Variants in SHISA9 observed in about 807,000 individuals in gnomAD.
SHISA9 encodes the protein shisa family member 9, also known as protein shisa-9.
SHISA9 carries 13 observed loss-of-function variants against 38.0 expected under a neutral mutation model. That is an observed-to-expected ratio of 0.34 (90% CI 0.22 to 0.54). The LOEUF (loss-of-function observed/expected upper bound fraction) is 0.54, where lower values mean the gene tolerates loss of function less well. Among genes scored for constraint, SHISA9 ranks in the 20% least tolerant of loss-of-function variants. The probability of loss-of-function intolerance (pLI) is 0.91; values close to 1 mark genes in which losing one functional copy is unlikely to be tolerated. For synonymous variants in SHISA9, 275 were observed against 242.0 expected (o/e 1.14, Z -1.27); for missense variants, 538 against 575.8 (o/e 0.93, Z 0.67).
At chr16:13,231,529 C>A (rs1008802195) in intron 4 of SHISA9, among the ~76,000 whole-genome samples, 12 of 152,198 alleles carry the variant, frequency 7.9e-5, no homozygotes, top group Non-Finnish European at 1.2e-4. Flanking sequence ...TTAGCAGATT[C>A]CAAGATTCCT....
At chr16:12,969,905 T>C (rs1298740889) in intron 2 of SHISA9, among the ~76,000 whole-genome samples, 3 of 152,006 alleles carry the variant, frequency 2.0e-5, no homozygotes, top group African/African-American at 7.2e-5. Context: ...CAAAACAATA[T>C]AGTAAACTGT....
intron 2 of SHISA9, among the ~76,000 whole-genome samples, chr16:13,029,856 A>G (rs2072970159): frequency 6.6e-6 from 1 of 152,216 alleles, no homozygotes; most frequent in South Asian, 2.1e-4. Flanking sequence ...TAGTAGAAAG[A>G]CAAAGGCTGG....
the SHISA9 span, among the ~76,000 whole-genome samples, chr16:13,260,786 C>T: frequency 1.3e-5 from 2 of 152,158 alleles, no homozygotes; most frequent in African/African-American, 2.4e-5. Flanking sequence ...TTCAGCAGCG[C>T]CCCCCTTTAC....
At chr16:13,392,169 G>A in the SHISA9 span, among the ~76,000 whole-genome samples, 38 of 152,122 alleles carry the variant, frequency 2.5e-4, no homozygotes, top group Admixed American at 8.5e-4. Flanking sequence ...TGGATTAGTT[G>A]TGTCTTCCTA....
the SHISA9 span, among the ~76,000 whole-genome samples, chr16:13,379,599 G>A: frequency 6.6e-6 from 1 of 152,192 alleles, no homozygotes; most frequent in Non-Finnish European, 1.5e-5. Flanking sequence ...CACAACCGGG[G>A]TAATGTCTTA....
rs375771859 is a variant in SHISA9, at chr16:13,096,037, G to A, written c.692-107357G>A. 5.3e-5 allele frequency among the ~76,000 whole-genome samples: 8 copies of A among 152,352 alleles called. No individual in the cohort carries two copies. The East Asian group carries it at 7.7e-4, about 15-fold the overall frequency. ...GGTGGTCAAGAGTGAAAGCCCTGGA[G>A]TCAAGAATACTTGAGTTTGAATCCC... On this transcript the variant is annotated intron_variant, in intron 2 of 4. Transcript: ENST00000558583.
At chr16:13,413,494 G>A in the SHISA9 span, among the ~76,000 whole-genome samples, 3 of 152,164 alleles carry the variant, frequency 2.0e-5, no homozygotes, top group African/African-American at 7.2e-5. Flanking sequence ...AGTGGCTCAC[G>A]CCTGCAATCC....
chr16:13,486,991 A>G, the SHISA9 span, among the ~76,000 whole-genome samples: 4 of 152,214 alleles, frequency 2.6e-5, no homozygotes, highest in Admixed American at 2.6e-4. Context: ...AGCGTGAGCC[A>G]CCGCACTCAG....
intron 2 of SHISA9, among the ~76,000 whole-genome samples, chr16:13,157,481 C>T (rs1003508813): frequency 6.6e-6 from 1 of 152,166 alleles, no homozygotes; most frequent in Non-Finnish European, 1.5e-5. Context: ...CCCAGTTTCT[C>T]ATCAGTAAAA....
chr16:13,321,832 A>C, the SHISA9 span, among the ~76,000 whole-genome samples: 2 of 152,200 alleles, frequency 1.3e-5, no homozygotes, highest in Non-Finnish European at 2.9e-5. Context: ...CTTAATATCT[A>C]ATGTGATCTT....
chr16:13,450,669 A>G, the SHISA9 span, among the ~76,000 whole-genome samples: 3 of 152,328 alleles, frequency 2.0e-5, no homozygotes, highest in South Asian at 6.2e-4. Flanking sequence ...CCAATTTTAC[A>G]AGACAGAAAA....
chr16:13,084,868 A>G (rs2073693395), intron 2 of SHISA9, among the ~76,000 whole-genome samples: 2 of 152,218 alleles, frequency 1.3e-5, no homozygotes, highest in African/African-American at 4.8e-5. Flanking sequence ...AGGCAGACGG[A>G]ACAGCTTATG....
chr16:13,486,142 T>C, the SHISA9 span, among the ~76,000 whole-genome samples: 2 of 152,164 alleles, frequency 1.3e-5, no homozygotes, highest in African/African-American at 4.8e-5. Flanking sequence ...GGGCATCTGA[T>C]CCAGGCAGAA....
chr16:12,919,754 G>T (rs940037184), intron 2 of SHISA9, among the ~76,000 whole-genome samples: 2 of 152,118 alleles, frequency 1.3e-5, no homozygotes, highest in African/African-American at 4.8e-5. Context: ...TCTAAAGACG[G>T]ATTTTTCTTC....
At chr16:13,177,792 C>A (rs1051900664) in intron 2 of SHISA9, among the ~76,000 whole-genome samples, 9 of 152,108 alleles carry the variant, frequency 5.9e-5, no homozygotes, top group Non-Finnish European at 1.3e-4. Flanking sequence ...GCCTCAGCCT[C>A]CCGAGTAGCT....
At chr16:12,915,927 G>A (rs1183884757) in intron 1 of SHISA9, among the ~76,000 whole-genome samples, 1 of 151,148 alleles carries the variant, frequency 6.6e-6, no homozygotes, top group East Asian at 2.0e-4. Context: ...TGGTAGGTCT[G>A]ATCTTGGGTG....
At chr16:13,482,314 G>A in the SHISA9 span, among the ~76,000 whole-genome samples, 1,874 of 152,322 alleles carry the variant, frequency 0.012, 36 homozygotes, top group African/African-American at 0.043. Context: ...ACCTTTTCTG[G>A]ATGCCAGTAA....
rs1448169129 is a variant in SHISA9 at position 13,114,478 on chromosome 16, AAAAAAAAAAAG to A, written c.692-88914_692-88904del. Among the ~76,000 whole-genome samples the A allele has an allele frequency of 4.1e-5, 6 of 145,896 alleles. No individual in the cohort carries two copies. The East Asian group carries it at 1.3e-3, about 32-fold the overall frequency. On this transcript the variant is annotated intron_variant, in intron 2 of 4. Transcript: ENST00000558583. Reference sequence around the variant, plus strand: ...GAGATTCCATCTCAAAAAAAAAAAAAAAAAAAAAAAGACGAAAAATACGAAGAACTAGGTAA... The same window carrying A: ...GAGATTCCATCTCAAAAAAAAAAAAAACGAAAAATACGAAGAACTAGGTAA...
At chr16:13,292,115 GA>G in the SHISA9 span, among the ~76,000 whole-genome samples, 1,553 of 151,750 alleles carry the variant, frequency 0.01, 20 homozygotes, top group African/African-American at 0.034. Context: ...ACCAAGTGTG[GA>G]GACATCATGG....
Sources: gnomAD v4.1 joint callset for allele counts (sites outside exome capture counted in the v4.1 genomes callset) on GRCh38, gnomAD v4.1.1 for gene constraint, MANE v1.5 for transcripts, NCBI Gene and HGNC (gene_info 2026-07-23, HGNC 2026-07-21) for gene names.